Variants in PACRG observed in about 807,000 individuals in gnomAD.
PACRG encodes parkin coregulated gene protein.
PACRG carries 29 observed loss-of-function variants against 29.7 expected under a neutral mutation model. The ratio of observed to expected loss-of-function variants is 0.98; its 90% confidence interval spans 0.73 to 1.33. The LOEUF (loss-of-function observed/expected upper bound fraction) is 1.33. PACRG is among the 40% of genes most tolerant of loss of function. The pLI is 0.00. For synonymous variants in PACRG, 116 were observed against 118.7 expected, an observed-to-expected ratio of 0.98 and a Z score of 0.15; for missense variants, 279 against 316.2, an observed-to-expected ratio of 0.88 and a Z score of 0.89.
Position 162,834,594 on chromosome 6 carries a change from T to C in PACRG, c.291+20313T>C, listed in dbSNP as rs150418292. ...CATCCTTATTAAAACTTGGAATTGT[T>C]TGATTTTTTTAAAAGATTTGATAAT... On this transcript the variant is annotated intron_variant, in intron 2 of 4. Transcript: ENST00000366888. Among the ~76,000 whole-genome samples the C allele has an allele frequency of 2.6e-4, 40 of 151,872 alleles. No homozygotes were observed. In the East Asian group the frequency reaches 7.5e-3, roughly 29 times the overall value.
chr6:162,965,150 G>A (rs1800925185), intron 2 of PACRG, among the ~76,000 whole-genome samples: 1 of 152,162 alleles, frequency 6.6e-6, no homozygotes, highest in East Asian at 1.9e-4. Flanking sequence ...CCTGTGGGGA[G>A]CCAAGAAGGA....
chr6:163,196,395 A>C (rs999361404), intron 4 of PACRG, among the ~76,000 whole-genome samples: 6 of 152,228 alleles, frequency 3.9e-5, no homozygotes, highest in Non-Finnish European at 7.3e-5. Context: ...TCCTAGGGCT[A>C]CTGGGAGCCT....
chr6:163,198,628 G>A (rs1780573953), intron 4 of PACRG, among the ~76,000 whole-genome samples: 1 of 152,192 alleles, frequency 6.6e-6, no homozygotes, highest in African/African-American at 2.4e-5. Context: ...TGTAGAAAGT[G>A]TGTTGCCTTG....
chr6:163,153,793 A>C (rs975070083), intron 4 of PACRG, among the ~76,000 whole-genome samples: 1 of 152,252 alleles, frequency 6.6e-6, no homozygotes, highest in African/African-American at 2.4e-5. Context: ...AGTACAACTC[A>C]AAGAACAGCC....
intron 2 of PACRG, among the ~76,000 whole-genome samples, chr6:162,991,723 C>A (rs1328643579): frequency 1.8e-5 from 2 of 108,502 alleles, no homozygotes; most frequent in South Asian, 3.3e-4. Flanking sequence ...TAATTGAATA[C>A]CCTTTATTTC....
At position 162,817,996 on chromosome 6, in the gene PACRG, C is replaced by T. The variant is rs950882337; in HGVS notation, c.291+3715C>T. 7.9e-5 allele frequency among the ~76,000 whole-genome samples: 12 copies of T among 151,852 alleles called. No homozygotes were observed. The South Asian group carries it at 8.3e-4, about 11-fold the overall frequency. ...ATCTCATCTCGAATATGAAATCTAC[C>T]GGCAAGCCCAGGAATAGCTTTTTTT... On this transcript the variant is annotated intron_variant, in intron 2 of 4. Transcript: ENST00000366888.
At chr6:163,200,787 G>A (rs532516128) in intron 4 of PACRG, among the ~76,000 whole-genome samples, 1 of 152,322 alleles carries the variant, frequency 6.6e-6, no homozygotes, top group South Asian at 2.1e-4. Flanking sequence ...GCCCCAGTTT[G>A]CTCAGCACTG....
intron 1 of PACRG, among the ~76,000 whole-genome samples, chr6:162,799,041 C>T (rs1010576973): frequency 2.0e-5 from 3 of 152,042 alleles, no homozygotes; most frequent in Admixed American, 6.6e-5. Flanking sequence ...TGGTGAATTG[C>T]GAGTGTCTGG....
At chr6:162,933,849 T>C (rs889141826) in intron 2 of PACRG, among the ~76,000 whole-genome samples, 12 of 152,124 alleles carry the variant, frequency 7.9e-5, no homozygotes, top group African/African-American at 2.7e-4. Flanking sequence ...ACTTTCATCA[T>C]GGTGGAAGGC....
intron 4 of PACRG, chr6:163,179,273 TG>T (rs1361541402): frequency 2.2e-6 from 1 of 455,478 alleles, no homozygotes; most frequent in Non-Finnish European, 4.4e-6. Context: ...AGGCGGCAGC[TG>T]GGGGAACTCA....
chr6:163,020,031 A>T (rs960695900), intron 2 of PACRG, among the ~76,000 whole-genome samples: 8 of 152,246 alleles, frequency 5.3e-5, no homozygotes, highest in African/African-American at 1.4e-4. Flanking sequence ...TGGCAAAAAC[A>T]GGAATCCTTA....
intron 2 of PACRG, among the ~76,000 whole-genome samples, chr6:162,877,556 C>T (rs1793470226): frequency 1.3e-5 from 2 of 148,942 alleles, no homozygotes; most frequent in Admixed American, 1.3e-4. Context: ...GCACGTTCTG[C>T]ACATGTATCC....
Position 162,971,783 on chromosome 6 carries a change from G to A in PACRG, c.292-90367G>A, listed in dbSNP as rs183021047. ...ATGGGGGAAGCACAAGGATCTCTGC[G>A]ATCAAGCCCTGCCGGGCCGCAGCTT... On this transcript the variant is annotated intron_variant, in intron 2 of 4. Coordinates refer to ENST00000366888, the MANE Select transcript of PACRG (RefSeq NM_001080379.2). Among the ~76,000 whole-genome samples, 294 of 152,264 alleles carry A rather than the reference G, an allele frequency of 1.9e-3. 1 individual carries two copies. The highest frequency in any genetic ancestry group is 6.5e-3 in the African/African-American group (270 of 41,550).
At chr6:163,277,457 G>A (rs913947075) in intron 4 of PACRG, among the ~76,000 whole-genome samples, 2 of 147,564 alleles carry the variant, frequency 1.4e-5, no homozygotes, top group South Asian at 2.2e-4. Context: ...TGGCTGAGTA[G>A]TATCTCATGG....
intron 4 of PACRG, among the ~76,000 whole-genome samples, chr6:163,292,160 A>T (rs920813674): frequency 2.6e-5 from 4 of 152,184 alleles, no homozygotes; most frequent in African/African-American, 7.2e-5. Flanking sequence ...ATAAGGGACA[A>T]CGTGCGGTGG....
chr6:163,239,790 A>T (rs1304219462), intron 4 of PACRG, among the ~76,000 whole-genome samples: 4 of 142,870 alleles, frequency 2.8e-5, no homozygotes, highest in East Asian at 2.1e-4. Flanking sequence ...ACACACACAC[A>T]CTCACACATT....
At chr6:163,161,489 A>G (rs937829981) in intron 4 of PACRG, among the ~76,000 whole-genome samples, 12 of 152,186 alleles carry the variant, frequency 7.9e-5, no homozygotes, top group African/African-American at 2.9e-4. Flanking sequence ...GCCTGCACAT[A>G]TATGTAACCA....
intron 3 of PACRG, among the ~76,000 whole-genome samples, chr6:163,069,006 G>A (rs1377216749): frequency 6.6e-6 from 1 of 152,038 alleles, no homozygotes; most frequent in East Asian, 1.9e-4. Flanking sequence ...TAGATCAACA[G>A]GTAATATACT....
intron 4 of PACRG, among the ~76,000 whole-genome samples, chr6:163,254,979 G>T (rs189586287): frequency 6.6e-6 from 1 of 152,138 alleles, no homozygotes; most frequent in Non-Finnish European, 1.5e-5. Context: ...GGCTTTCTAC[G>T]TCAGGTTCTC....
Sources: gnomAD v4.1 joint callset for allele counts (sites outside exome capture counted in the v4.1 genomes callset) on GRCh38, gnomAD v4.1.1 for gene constraint, MANE v1.5 for transcripts, NCBI Gene and HGNC (gene_info 2026-07-23, HGNC 2026-07-21) for gene names.